The following KLF17 variants were observed in gnomAD, a reference collection of about 807,000 sequenced individuals.
The protein encoded by KLF17 is Krueppel-like factor 17.
KLF17 carries 31 observed loss-of-function variants against 34.2 expected under a neutral mutation model. The ratio of observed to expected loss-of-function variants is 0.91; its 90% CI spans 0.68 to 1.22. The LOEUF is 1.22. Among genes scored for constraint, KLF17 ranks in the 50% most tolerant of loss-of-function variants. The pLI, the probability that KLF17 is intolerant of heterozygous loss-of-function variation, is 0.00. For synonymous variants in KLF17, 179 were observed against 186.7 expected, an observed-to-expected ratio of 0.96 and a Z score of 0.34; for missense variants, 478 against 505.2, an observed-to-expected ratio of 0.95 and a Z score of 0.52.
the KLF17 span, chr1:44,113,809 T>G: frequency 1.3e-5 from 2 of 152,262 alleles, no homozygotes; most frequent in Non-Finnish European, 2.9e-5. Context: ...ATTGCTGTTC[T>G]GTGTGTAAAA....
At chr1:44,103,652 C>G in the KLF17 span, 1 of 1,610,450 alleles carries the variant, frequency 6.2e-7, no homozygotes, top group Admixed American at 1.7e-5. Flanking sequence ...TCATCAGCTC[C>G]TAGTACTCAC....
rs761019506 is a variant in KLF17, at chr1:44,130,754, T to C, written c.1168T>C (p.Ter390GlnextTer36). The C allele has an allele frequency of 6.2e-7, 1 of 1,613,982 alleles. No individual in the cohort carries two copies. The highest frequency in any genetic ancestry group is 8.5e-7 in the Non-Finnish European group (1 of 1,179,928). The part of the protein sequence containing the change: ...EQDSPPAAGP[*>Q] ...GGACAGTCCTCCTGCTGCTGGTCCTTAGGTCAGTCTCCTCTCCTCATTCTG... is the reference window on the plus strand; with the variant it reads ...GGACAGTCCTCCTGCTGCTGGTCCTCAGGTCAGTCTCCTCTCCTCATTCTG... The change falls in exon 3 of 4, where the codon TAG becomes CAG. Residue 390 changes from the stop codon to glutamine, a stop_lost and splice_region_variant. Coordinates refer to ENST00000372299, the MANE Select transcript of KLF17 (RefSeq NM_173484.4).
the KLF17 span, chr1:44,103,746 A>C: frequency 8.7e-7 from 1 of 1,152,602 alleles, no homozygotes; most frequent in Non-Finnish European, 1.3e-6. Flanking sequence ...CTTAACTGCC[A>C]GCTCCTCAGG....
the KLF17 span, among the ~76,000 whole-genome samples, chr1:44,099,537 T>TGGGAGGCCAAGGCAGGTGAATCAGGAGTC: frequency 2.6e-5 from 4 of 151,870 alleles, no homozygotes; most frequent in South Asian, 8.3e-4. Flanking sequence ...CCCAGCACTT[T>TGGGAGGCCAAGGCAGGTGAATCAGGAGTC]GGGAGGCCAA....
At position 44,134,630 on chromosome 1, in the gene KLF17, T is replaced by C. The variant is rs1467678078; in HGVS notation, c.*1393T>C. 1.3e-5 allele frequency: 2 copies of C among 152,224 alleles called. No homozygotes were observed. Among genetic ancestry groups the C allele is most frequent in the African/African-American group, 4.8e-5 (2 of 41,458 alleles). The allele number at this position is 152,224 out of a possible 1,614,324, so 9.4% of individuals were successfully genotyped here. A position where few individuals can be genotyped will look rare whatever the true frequency, so the allele number is the denominator to read the frequency against. On this transcript the variant is annotated 3_prime_UTR_variant, in exon 4 of 4. Transcript: ENST00000372299. ...GTCTTGAGAAATTTACTTGTCACTCTTGCTTCTGATAGTAAAGGGGATGGT... is the reference window on the plus strand; with the variant it reads ...GTCTTGAGAAATTTACTTGTCACTCCTGCTTCTGATAGTAAAGGGGATGGT...
chr1:44,070,590 CTTTTTTTTTTTTTT>C, the KLF17 span, among the ~76,000 whole-genome samples: 302 of 78,680 alleles, frequency 3.8e-3, 4 homozygotes, highest in African/African-American at 0.014. Context: ...TTTCCCTTGT[CTTTTTTTTTTTTTT>C]TTTTTTTTTT....
chr1:44,120,624 TG>T (rs1252423066), intron 1 of KLF17, among the ~76,000 whole-genome samples: 2 of 152,246 alleles, frequency 1.3e-5, no homozygotes, highest in Admixed American at 6.5e-5. Flanking sequence ...AGAGCAAATT[TG>T]GGAGACTCAT....
At chr1:44,061,980 A>G in the KLF17 span, among the ~76,000 whole-genome samples, 1 of 152,222 alleles carries the variant, frequency 6.6e-6, no homozygotes, top group South Asian at 2.1e-4. Flanking sequence ...TACACTGCCC[A>G]TGGGGTAGCC....
chr1:44,109,209 C>T, the KLF17 span, among the ~76,000 whole-genome samples: 1 of 152,128 alleles, frequency 6.6e-6, no homozygotes, highest in Non-Finnish European at 1.5e-5. Flanking sequence ...TTTCTACCTC[C>T]TGAGGGTATT....
At chr1:44,112,413 TTA>T in the KLF17 span, among the ~76,000 whole-genome samples, 2 of 151,820 alleles carry the variant, frequency 1.3e-5, no homozygotes, top group African/African-American at 4.8e-5. Flanking sequence ...TTTTCTTTTT[TTA>T]TTTTTTAGCA....
the KLF17 span, among the ~76,000 whole-genome samples, chr1:44,091,772 T>C: frequency 6.6e-6 from 1 of 151,402 alleles, no homozygotes. Flanking sequence ...ACTTGAAAGA[T>C]TTTGGGGACC....
chr1:44,129,718 G>A lies in KLF17; in HGVS notation c.447G>A (p.Gly149=). The A allele has an allele frequency of 2.5e-6, 4 of 1,614,146 alleles. No homozygotes were observed. The highest frequency in any genetic ancestry group is 3.4e-6 in the Non-Finnish European group (4 of 1,180,026). Residue 149 remains glycine (G), a synonymous_variant, in exon 2 of 4, where the codon GGG becomes GGA. Coordinates refer to ENST00000372299, the MANE Select transcript of KLF17 (RefSeq NM_173484.4). ...NIPRVARPFG[G]NLRMPPNGLP... is the part of the protein sequence containing the mutation. ...CAAGGGTAGCCAGGCCCTTCGGTGG[G>A]AATCTAAGGATGCCCCCCAATGGGC...
chr1:44,085,744 C>T, the KLF17 span, among the ~76,000 whole-genome samples: 1 of 126,946 alleles, frequency 7.9e-6, no homozygotes, highest in Non-Finnish European at 1.5e-5. Flanking sequence ...TTCGAGACTG[C>T]AATGAGCTAT....
chr1:44,068,649 G>C, the KLF17 span, among the ~76,000 whole-genome samples: 2 of 152,180 alleles, frequency 1.3e-5, no homozygotes, highest in African/African-American at 4.8e-5. Context: ...GGAACATTCT[G>C]GCCTCACAGG....
At chr1:44,083,082 C>T in the KLF17 span, among the ~76,000 whole-genome samples, 407 of 151,492 alleles carry the variant, frequency 2.7e-3, 2 homozygotes, top group Admixed American at 7.2e-3. Flanking sequence ...GCTAGGACTA[C>T]GGGGCATGCC....
chr1:44,128,738 C>T (rs902448942), intron 1 of KLF17, among the ~76,000 whole-genome samples: 1 of 152,100 alleles, frequency 6.6e-6, no homozygotes, highest in South Asian at 2.1e-4. Flanking sequence ...TTGGGCCAGG[C>T]GCGGTGGCTC....
At chr1:44,103,509 C>G in the KLF17 span, 1 of 1,138,358 alleles carries the variant, frequency 8.8e-7, no homozygotes, top group Non-Finnish European at 1.3e-6. Flanking sequence ...GCTCAGCGCA[C>G]CTGCATAGCT....
the KLF17 span, among the ~76,000 whole-genome samples, chr1:44,071,788 G>T: frequency 4.7e-4 from 71 of 152,182 alleles, no homozygotes; most frequent in African/African-American, 1.5e-3. Flanking sequence ...ATAAATCCAA[G>T]CTCCTAGGGT....
chr1:44,109,797 G>C, the KLF17 span, among the ~76,000 whole-genome samples: 4 of 151,852 alleles, frequency 2.6e-5, no homozygotes, highest in South Asian at 6.2e-4. Flanking sequence ...GTAGGGCATG[G>C]AGAACTATCT....
Sources: gnomAD v4.1 joint callset for allele counts (sites outside exome capture counted in the v4.1 genomes callset) on GRCh38, gnomAD v4.1.1 for gene constraint, MANE v1.5 for transcripts, NCBI Gene and HGNC (gene_info 2026-07-23, HGNC 2026-07-21) for gene names.